Variants in HS3ST4 observed in about 807,000 individuals in gnomAD.
HS3ST4 encodes the protein heparan sulfate glucosamine 3-O-sulfotransferase 4.
In HS3ST4, 17 loss-of-function variants were observed where a neutral mutation model predicts 29.2. That is an observed-to-expected ratio of 0.58 (90% CI 0.40 to 0.87). HS3ST4 has a LOEUF of 0.87. Among genes scored for constraint, HS3ST4 ranks in the 40% least tolerant of loss-of-function variants. The probability of loss-of-function intolerance (pLI) is 0.00; values close to 1 mark genes in which losing one functional copy is unlikely to be tolerated. For synonymous variants in HS3ST4, 314 were observed against 285.7 expected (o/e 1.10, Z -1.00); for missense variants, 627 against 634.5 (o/e 0.99, Z 0.13).
intron 1 of HS3ST4, among the ~76,000 whole-genome samples, chr16:25,978,272 A>C (rs1163806191): frequency 6.6e-6 from 1 of 152,246 alleles, no homozygotes; most frequent in Non-Finnish European, 1.5e-5. Context: ...AGCCATTAGA[A>C]GAAAGAATGG....
chr16:26,112,379 ATCT>A (rs1305007188), intron 1 of HS3ST4, among the ~76,000 whole-genome samples: 16 of 69,002 alleles, frequency 2.3e-4, no homozygotes, highest in African/African-American at 6.9e-4. Context: ...AAGCCTCTAC[ATCT>A]TTTTTTTTTT....
intron 1 of HS3ST4, among the ~76,000 whole-genome samples, chr16:25,893,072 G>A (rs1317725299): frequency 3.3e-5 from 5 of 152,142 alleles, no homozygotes; most frequent in Admixed American, 3.3e-4. Flanking sequence ...CAGGTGGAGG[G>A]AGGCAGCCCA....
chr16:25,944,823 C>T (rs1968609488), intron 1 of HS3ST4, among the ~76,000 whole-genome samples: 2 of 152,144 alleles, frequency 1.3e-5, no homozygotes, highest in African/African-American at 4.8e-5. Flanking sequence ...TCAATAAAAG[C>T]CCCCAGAAGC....
chr16:25,693,301 A>C, intron 1 of HS3ST4, 150 bp downstream of exon 1: 1 of 844,792 alleles, frequency 1.2e-6, no homozygotes, highest in Non-Finnish European at 1.8e-6. Context: ...GGCGTTGCTC[A>C]GGGGGATCGG....
chr16:25,834,633 G>A (rs1967338934), intron 1 of HS3ST4, among the ~76,000 whole-genome samples: 1 of 152,120 alleles, frequency 6.6e-6, no homozygotes, highest in Non-Finnish European at 1.5e-5. Flanking sequence ...TATTGTGTAG[G>A]GATGAATATT....
intron 1 of HS3ST4, chr16:25,933,310 AG>A (rs1183059334): frequency 4.1e-6 from 2 of 493,462 alleles, no homozygotes; most frequent in African/African-American, 1.9e-5. Flanking sequence ...GGATTAGAAA[AG>A]GTTAGTTTCT....
At chr16:26,034,743 T>TAA (rs145104496) in intron 1 of HS3ST4, among the ~76,000 whole-genome samples, 1 of 147,688 alleles carries the variant, frequency 6.8e-6, no homozygotes, top group African/African-American at 2.5e-5. Flanking sequence ...GAAAGCCTAT[T>TAA]AAAAAAAAAA....
At chr16:25,726,464 A>T (rs1302876232) in intron 1 of HS3ST4, among the ~76,000 whole-genome samples, 1 of 152,226 alleles carries the variant, frequency 6.6e-6, no homozygotes. Context: ...ATACACACAC[A>T]CATACACACA....
intron 1 of HS3ST4, among the ~76,000 whole-genome samples, chr16:26,131,477 C>T (rs892403406): frequency 6.6e-6 from 1 of 152,176 alleles, no homozygotes; most frequent in Non-Finnish European, 1.5e-5. Flanking sequence ...TACTGGTCTT[C>T]CTTCTGTTTC....
At chr16:26,123,071 G>C (rs1206269973) in intron 1 of HS3ST4, among the ~76,000 whole-genome samples, 1 of 151,668 alleles carries the variant, frequency 6.6e-6, no homozygotes, top group East Asian at 1.9e-4. Context: ...AAAAAAACCG[G>C]GGGCTTGAAC....
At chr16:26,056,062 GAGAGA>G (rs1898404282) in intron 1 of HS3ST4, among the ~76,000 whole-genome samples, 1 of 151,682 alleles carries the variant, frequency 6.6e-6, no homozygotes, top group East Asian at 1.9e-4. Context: ...GAGAGAGAGA[GAGAGA>G]GAGAGAGAGA....
At chr16:26,051,576 C>T (rs899789264) in intron 1 of HS3ST4, among the ~76,000 whole-genome samples, 2 of 152,094 alleles carry the variant, frequency 1.3e-5, no homozygotes, top group African/African-American at 4.8e-5. Context: ...AGAAGTAAGA[C>T]AGTTGGGACG....
chr16:25,846,459 A>T (rs1467660567), intron 1 of HS3ST4, among the ~76,000 whole-genome samples: 6 of 152,022 alleles, frequency 3.9e-5, no homozygotes. Flanking sequence ...TCTTGAGCCC[A>T]GGAGTTCGAG....
At chr16:25,942,127 C>A (rs149152968) in intron 1 of HS3ST4, among the ~76,000 whole-genome samples, 341 of 152,234 alleles carry the variant, frequency 2.2e-3, no homozygotes, top group African/African-American at 8.0e-3. Flanking sequence ...CTGTTGGCAG[C>A]AAGACATAGA....
chr16:26,113,953 G>T (rs1899168824), intron 1 of HS3ST4, among the ~76,000 whole-genome samples: 1 of 152,128 alleles, frequency 6.6e-6, no homozygotes, highest in South Asian at 2.1e-4. Context: ...TGTATATGTA[G>T]GTATATATGT....
rs79867655 is a variant in HS3ST4 at position 25,752,964 on chromosome 16, A to T, written c.734+59813A>T. Among the ~76,000 whole-genome samples the T allele has an allele frequency of 2.9e-4, 44 of 152,326 alleles. No homozygotes were observed. In the East Asian group the frequency reaches 8.5e-3, roughly 29 times the overall value. The stretch of plus-strand genomic sequence containing the variant: ...CGTATTGCAGGCAGCAATCCTCTTT[A>T]TGAGTTTTCTTAGCAAAATGCCATG... On this transcript the variant is annotated intron_variant, in intron 1 of 1. Coordinates refer to ENST00000331351, the MANE Select transcript of HS3ST4 (RefSeq NM_006040.3).
intron 1 of HS3ST4, among the ~76,000 whole-genome samples, chr16:25,749,413 T>G (rs989732905): frequency 1.3e-5 from 2 of 152,160 alleles, no homozygotes; most frequent in Admixed American, 1.3e-4. Context: ...GAGGATCACC[T>G]GAACCTGGGA....
chr16:25,758,973 AAAAAAC>A (rs1966773642), intron 1 of HS3ST4, among the ~76,000 whole-genome samples: 1 of 30,588 alleles, frequency 3.3e-5, no homozygotes, highest in South Asian at 9.1e-4. Flanking sequence ...ACAAAAAACA[AAAAAAC>A]AAAAAAAAAC....
chr16:25,887,681 G>A (rs556239711), intron 1 of HS3ST4, among the ~76,000 whole-genome samples: 25 of 148,058 alleles, frequency 1.7e-4, no homozygotes, highest in Admixed American at 9.5e-4. Context: ...CCTAGCGCCC[G>A]CTACACCTGA....
Sources: gnomAD v4.1 joint callset for allele counts (sites outside exome capture counted in the v4.1 genomes callset) on GRCh38, gnomAD v4.1.1 for gene constraint, MANE v1.5 for transcripts, NCBI Gene and HGNC (gene_info 2026-07-23, HGNC 2026-07-21) for gene names.